IGDCC3: variants seen among roughly 807,000 people sequenced by gnomAD.
IGDCC3 encodes the protein immunoglobulin superfamily DCC subclass member 3.
Under a neutral mutation model 72.0 loss-of-function variants are expected in IGDCC3, and 47 were observed. The observed-to-expected ratio is 0.65, with a 90% CI of 0.52 to 0.83. IGDCC3 has a LOEUF of 0.83. Among genes scored for constraint, IGDCC3 ranks in the 40% least tolerant of loss-of-function variants. IGDCC3 has a pLI of 0.00. For synonymous variants in IGDCC3, 477 were observed against 472.8 expected (o/e 1.01, Z -0.11); for missense variants, 1,038 against 1,091.3 (o/e 0.95, Z 0.69).
At chr15:65,366,950 A>T (rs1159980004) in intron 2 of IGDCC3, among the ~76,000 whole-genome samples, 1 of 152,250 alleles carries the variant, frequency 6.6e-6, no homozygotes, top group Non-Finnish European at 1.5e-5. Context: ...GAGCAAGCTC[A>T]GAAATCAGGG....
chr15:65,335,862 G>A lies in IGDCC3; in HGVS notation c.504C>T (p.Pro168=), dbSNP rs756099965. The A allele has an allele frequency of 2.5e-6, 4 of 1,614,078 alleles. No individual in the cohort carries two copies. In the Admixed American group the frequency reaches 5.0e-5, roughly 20 times the overall value. Residue 168 remains proline, a synonymous_variant, in exon 3 of 14, where the codon CCC becomes CCT. Transcript: ENST00000327987. Reference sequence around the variant, plus strand: ...CTCTGTTCTTCTCCCAAGTGATCAGGGGTTTGGGAAGCCCATGGATTTGGC... The same window carrying A: ...CTCTGTTCTTCTCCCAAGTGATCAGAGGTTTGGGAAGCCCATGGATTTGGC... ...FQCQIHGLPK[P]LITWEKNRVP...
intron 2 of IGDCC3, among the ~76,000 whole-genome samples, chr15:65,365,719 A>G (rs1281834403): frequency 6.6e-6 from 1 of 152,198 alleles, no homozygotes; most frequent in East Asian, 1.9e-4. Flanking sequence ...CTTCTGAAAC[A>G]GAAATCCCAC....
intron 6 of IGDCC3, among the ~76,000 whole-genome samples, chr15:65,333,048 A>G (rs577276221): frequency 2.0e-5 from 3 of 152,360 alleles, no homozygotes; most frequent in Admixed American, 2.0e-4. Context: ...GCCGGGGAGC[A>G]TGACCAAGAC....
chr15:65,330,812 A>AC (rs1351151086), intron 9 of IGDCC3, 71 bp from the exon 10 acceptor site: 10 of 1,329,702 alleles, frequency 7.5e-6, no homozygotes, highest in Non-Finnish European at 1.0e-5. Flanking sequence ...TCCACCTGTG[A>AC]CCCCGACCCC....
Position 65,329,870 on chromosome 15 carries a change from G to A in IGDCC3, c.1859-6C>T. 6.2e-7 allele frequency: 1 copy of A among 1,613,848 alleles called. No homozygotes were observed. Among genetic ancestry groups the A allele is most frequent in the Non-Finnish European group, 8.5e-7 (1 of 1,180,008 alleles). On this transcript the variant is annotated splice_region_variant and splice_polypyrimidine_tract_variant and intron_variant, in intron 11 of 13. Coordinates refer to ENST00000327987, the MANE Select transcript of IGDCC3 (RefSeq NM_004884.4). The surrounding 1 kb of genome is among the most constrained non-coding windows in gnomAD (Gnocchi z 4.1). The stretch of plus-strand genomic sequence containing the variant: ...GTCACATGGTGGGCTCAAGGCTGGG[G>A]ACAGGGACGGGTTGGAGGCTTTGGC...
Position 65,377,409 on chromosome 15 carries a change from G to C in IGDCC3, c.103+277C>G, listed in dbSNP as rs886564435. On this transcript the variant is annotated intron_variant, in intron 1 of 13. Coordinates refer to ENST00000327987, the MANE Select transcript of IGDCC3 (RefSeq NM_004884.4). The surrounding 1 kb of genome is among the most constrained non-coding windows in gnomAD (Gnocchi z 4.9). ...GTCTCCACGCCAGCCCGCCCCGCTT[G>C]CTCCCGCTTCGCTGCACTCCTTGCT... 4.6e-5 allele frequency among the ~76,000 whole-genome samples: 7 copies of C among 151,940 alleles called. No homozygotes were observed. Among genetic ancestry groups the C allele is most frequent in the African/African-American group, 1.5e-4 (6 of 41,352 alleles).
At chr15:65,332,220 A>G (rs981710151) in intron 6 of IGDCC3, 114 bp from the exon 7 acceptor site, 5 of 1,257,324 alleles carry the variant, frequency 4.0e-6, no homozygotes, top group Non-Finnish European at 5.4e-6. Flanking sequence ...GTGGGCTCCA[A>G]ACACACATCT....
intron 1 of IGDCC3, among the ~76,000 whole-genome samples, chr15:65,376,348 C>T (rs2091358758): frequency 6.6e-6 from 1 of 152,252 alleles, no homozygotes; most frequent in African/African-American, 2.4e-5. Flanking sequence ...ACTCCAATCC[C>T]AGGCATGATG....
At position 65,377,503 on chromosome 15, in the gene IGDCC3, G is replaced by A. The variant is rs2091366062; in HGVS notation, c.103+183C>T. Among the ~76,000 whole-genome samples, 1 of 152,108 alleles carries A rather than the reference G, an allele frequency of 6.6e-6. No individual in the cohort carries two copies. The highest frequency in any genetic ancestry group is 1.9e-4 in the East Asian group (1 of 5,162). ...GGTTCCGTCCTCAACACGCCCCTAG[G>A]GCCCCCAGCAGTCCGGCCTTGGTAC... On this transcript the variant is annotated intron_variant, in intron 1 of 13. Coordinates refer to ENST00000327987, the MANE Select transcript of IGDCC3 (RefSeq NM_004884.4). This position sits in a 1 kb window ranked among gnomAD's most constrained non-coding sequence, Gnocchi z 4.9.
rs1036385309 is a variant in IGDCC3, at chr15:65,351,274, C to T, written c.410-15318G>A. Among the ~76,000 whole-genome samples the T allele has an allele frequency of 1.2e-4, 18 of 152,178 alleles. 1 individual carries two copies. The highest frequency in any genetic ancestry group is 3.1e-4 in the African/African-American group (13 of 41,434). On this transcript the variant is annotated intron_variant, in intron 2 of 13. Transcript: ENST00000327987. ...CTTACCGGCTGGGCGCAGTGGCTCA[C>T]GCCTGTAATCCCAACACTTTGGGAG... is the stretch of plus-strand genomic sequence containing the variant.
chr15:65,374,604 G>C (rs1030136943), intron 2 of IGDCC3, among the ~76,000 whole-genome samples: 1 of 152,046 alleles, frequency 6.6e-6, no homozygotes, highest in Non-Finnish European at 1.5e-5. Context: ...CTATTAACAA[G>C]CTCCAGAATT....
intron 2 of IGDCC3, among the ~76,000 whole-genome samples, chr15:65,345,558 G>GCA (rs139591852): frequency 0.037 from 5,351 of 145,768 alleles, 130 homozygotes; most frequent in African/African-American, 0.077. Context: ...TGTCTCACAC[G>GCA]CACACACACA....
chr15:65,329,792 C>T lies in IGDCC3; in HGVS notation c.1931G>A (p.Gly644Asp), dbSNP rs146763554. The T allele has an allele frequency of 4.3e-6, 7 of 1,614,028 alleles. No individual in the cohort carries two copies. The African/African-American group carries it at 9.3e-5, about 22-fold the overall frequency. Residue 644 changes from glycine to aspartate, a missense_variant, in exon 12 of 14, where the codon GGC (glycine) becomes GAC (aspartate). By Grantham distance (94) the Gly-to-Asp change is moderately conservative. Transcript: ENST00000327987. This position sits in a 1 kb window ranked among gnomAD's most constrained non-coding sequence, Gnocchi z 4.1. ...NQTSTTGIVIGIHIGVTCIIF... is the reference protein window; with the variant it reads ...NQTSTTGIVIDIHIGVTCIIF... ...GATGCAAGTGACCCCGATGTGGATG[C>T]CGATGACGATGCCTGTGGTGGACGT...
Position 65,330,754 on chromosome 15 carries a change from A to C in IGDCC3, c.1562-13T>G. 1 of 1,586,550 alleles carries C rather than the reference A, an allele frequency of 6.3e-7. No homozygotes were observed. Among genetic ancestry groups the C allele is most frequent in the Non-Finnish European group, 8.6e-7 (1 of 1,163,736 alleles). On this transcript the variant is annotated splice_polypyrimidine_tract_variant and intron_variant, in intron 9 of 13. Coordinates refer to ENST00000327987, the MANE Select transcript of IGDCC3 (RefSeq NM_004884.4). Reference sequence around the variant, plus strand: ...GGTGGGGCAGGGGCTGCAGGTAGAGAAGGAGGCCACGATGTGAGGACCCAG... The same window carrying C: ...GGTGGGGCAGGGGCTGCAGGTAGAGCAGGAGGCCACGATGTGAGGACCCAG...
At chr15:65,359,509 C>T (rs917479147) in intron 2 of IGDCC3, among the ~76,000 whole-genome samples, 6 of 152,144 alleles carry the variant, frequency 3.9e-5, no homozygotes, top group Admixed American at 2.6e-4. Context: ...TACCACTAGC[C>T]ACCTCTCCTG....
At chr15:65,368,333 T>C (rs1361213902) in intron 2 of IGDCC3, among the ~76,000 whole-genome samples, 1 of 151,948 alleles carries the variant, frequency 6.6e-6, no homozygotes, top group East Asian at 1.9e-4. Context: ...CTGTTTCATT[T>C]GCAGGCTGCA....
At chr15:65,355,212 C>G (rs1008993781) in intron 2 of IGDCC3, among the ~76,000 whole-genome samples, 1 of 152,108 alleles carries the variant, frequency 6.6e-6, no homozygotes, top group South Asian at 2.1e-4. Context: ...ATTCAGCTGG[C>G]GGGCGGGGTC....
chr15:65,330,167 A>G, intron 11 of IGDCC3, 126 bp downstream of exon 11: 10 of 759,960 alleles, frequency 1.3e-5, no homozygotes, highest in Non-Finnish European at 2.2e-5. Context: ...CACAGCCAGC[A>G]TGTGCATGGC....
At chr15:65,335,737 G>A (rs751534623) in intron 3 of IGDCC3, 75 bp downstream of exon 3, 123 of 1,549,836 alleles carry the variant, frequency 7.9e-5, no homozygotes, top group Non-Finnish European at 9.7e-5. Context: ...CCAGAGCCGC[G>A]GGCCATCCTT....
Sources: allele counts gnomAD v4.1 joint callset (sites outside exome capture counted in the v4.1 genomes callset), GRCh38; gene constraint gnomAD v4.1.1; non-coding constraint Gnocchi (gnomAD v3.1); transcripts MANE v1.5; gene names NCBI Gene and HGNC (gene_info 2026-07-23, HGNC 2026-07-21).